The following PAPPA2 variants were observed in gnomAD, a reference collection of about 807,000 sequenced individuals.
PAPPA2 encodes pappalysin 2, also known as pappalysin-2.
A neutral mutation model predicts 176.4 loss-of-function variants in PAPPA2; 86 were observed. The observed-to-expected ratio is 0.49, with a 90% CI of 0.41 to 0.58. The LOEUF (loss-of-function observed/expected upper bound fraction) is 0.58, where lower values mean the gene tolerates loss of function less well. PAPPA2 is among the 20% of genes least tolerant of loss of function. The pLI is 0.00. For synonymous variants in PAPPA2, 809 were observed against 852.2 expected (o/e 0.95, Z 0.88); for missense variants, 2,073 against 2,256.9 (o/e 0.92, Z 1.65).
chr1:176,773,559 C>T (rs1231294840), intron 17 of PAPPA2, among the ~76,000 whole-genome samples: 7 of 152,136 alleles, frequency 4.6e-5, no homozygotes, highest in African/African-American at 7.2e-5. Flanking sequence ...ACTTGCTGGG[C>T]ATGACCCTGA....
intron 2 of PAPPA2, among the ~76,000 whole-genome samples, chr1:176,557,700 T>G (rs1484664641): frequency 1.3e-5 from 2 of 152,186 alleles, no homozygotes; most frequent in Non-Finnish European, 2.9e-5. Context: ...ACAAGGCTGC[T>G]AGGTACACAG....
chr1:176,556,317 G>A lies in PAPPA2; in HGVS notation c.-6G>A. 6.2e-7 allele frequency: 1 copy of A among 1,611,956 alleles called. No individual in the cohort carries two copies. Among genetic ancestry groups the A allele is most frequent in the Non-Finnish European group, 8.5e-7 (1 of 1,178,794 alleles). On this transcript the variant is annotated 5_prime_UTR_variant, in exon 2 of 23. Transcript: ENST00000367662. ...TTCTGGTTCTGTAGAAAGAGCTAGG[G>A]GAGGTATGATGTGCTTAAAGATCCT...
intron 12 of PAPPA2, among the ~76,000 whole-genome samples, chr1:176,727,316 A>G (rs1019664085): frequency 6.6e-6 from 1 of 152,160 alleles, no homozygotes; most frequent in Non-Finnish European, 1.5e-5. Flanking sequence ...ACTGTTTATG[A>G]AAAACACACT....
intron 1 of PAPPA2, among the ~76,000 whole-genome samples, chr1:176,496,318 A>G (rs140262843): frequency 3.0e-4 from 46 of 152,240 alleles, no homozygotes; most frequent in Middle Eastern, 6.8e-3. Context: ...AATATATATG[A>G]TTTGATATAT....
At chr1:176,654,238 G>C (rs1230379896) in intron 3 of PAPPA2, among the ~76,000 whole-genome samples, 1 of 151,534 alleles carries the variant, frequency 6.6e-6, no homozygotes, top group Non-Finnish European at 1.5e-5. Context: ...TGTATATGAT[G>C]ATAGATAGGG....
rs371033856 is a variant in PAPPA2 at position 176,711,801 on chromosome 1, A to G, written c.3652-34A>G. On this transcript the variant is annotated intron_variant, in intron 11 of 22. Transcript: ENST00000367662. ...GTCCTTACTTATATCTTCACACTCC[A>G]CACTTCAAATTGTTGGTTGAAATTG... The G allele has an allele frequency of 1.0e-5, 16 of 1,581,598 alleles. No individual in the cohort carries two copies. In the African/African-American group the frequency reaches 2.0e-4, roughly 20 times the overall value.
In PAPPA2 at chr1:176,814,656, G is replaced by A. The variant is rs570972302; in HGVS notation, c.5202+14524G>A. On this transcript the variant is annotated intron_variant, in intron 21 of 22. Coordinates refer to ENST00000367662, the MANE Select transcript of PAPPA2 (RefSeq NM_020318.3). Reference sequence around the variant, plus strand: ...TTTTGTAACCTGAGACTTTGCTGCAGTTGCTTACCAGCTTAAGAACCTTTT... The same window carrying A: ...TTTTGTAACCTGAGACTTTGCTGCAATTGCTTACCAGCTTAAGAACCTTTT... Among the ~76,000 whole-genome samples the A allele has an allele frequency of 5.9e-5, 9 of 152,312 alleles. 1 individual carries two copies. Among genetic ancestry groups the A allele is most frequent in the African/African-American group, 2.2e-4 (9 of 41,570 alleles).
At chr1:176,598,137 T>C (rs1276169289) in intron 3 of PAPPA2, among the ~76,000 whole-genome samples, 1 of 152,232 alleles carries the variant, frequency 6.6e-6, no homozygotes, top group Non-Finnish European at 1.5e-5. Flanking sequence ...AAAAAAGTGC[T>C]CATGGTTTAA....
In PAPPA2 at chr1:176,532,085, C is replaced by T. The variant is rs367992322; in HGVS notation, c.-916-23322C>T. On this transcript the variant is annotated intron_variant, in intron 1 of 22. Coordinates refer to ENST00000367662, the MANE Select transcript of PAPPA2 (RefSeq NM_020318.3). ...GCAGCAATTTGGTTGTGGAAGACCCCGGCAGAAATAACAAGAGAAAATTGA... is the reference window on the plus strand; with the variant it reads ...GCAGCAATTTGGTTGTGGAAGACCCTGGCAGAAATAACAAGAGAAAATTGA... 5.9e-5 allele frequency among the ~76,000 whole-genome samples: 9 copies of T among 152,204 alleles called. No homozygotes were observed. The East Asian group carries it at 1.4e-3, about 23-fold the overall frequency.
chr1:176,517,434 A>G (rs1388788624), intron 1 of PAPPA2, among the ~76,000 whole-genome samples: 1 of 152,230 alleles, frequency 6.6e-6, no homozygotes, highest in Non-Finnish European at 1.5e-5. Context: ...TAATAAATGA[A>G]TATATACATT....
chr1:176,594,548 C>T lies in PAPPA2; in HGVS notation c.944C>T (p.Thr315Ile). Residue 315 changes from threonine (T) to isoleucine (I), a missense_variant, in exon 3 of 23, where the codon ACT (threonine) becomes ATT (isoleucine). Transcript: ENST00000367662. Reference sequence around the variant, plus strand: ...GGTGTGTTTGATAACTGCTCCCACACTGTCAGTGACAAAGGCTGGGCCCTG... The same window carrying T: ...GGTGTGTTTGATAACTGCTCCCACATTGTCAGTGACAAAGGCTGGGCCCTG... ...IAGVFDNCSH[T>I]VSDKGWALGI... The T allele has an allele frequency of 6.2e-7, 1 of 1,614,040 alleles. No individual in the cohort carries two copies. Among genetic ancestry groups the T allele is most frequent in the Non-Finnish European group, 8.5e-7 (1 of 1,179,954 alleles).
Position 176,692,399 on chromosome 1 carries a change from A to G in PAPPA2, c.2624+81A>G, listed in dbSNP as rs951252427. The G allele has an allele frequency of 2.2e-6, 3 of 1,363,290 alleles. No individual in the cohort carries two copies. In the African/African-American group the frequency reaches 4.4e-5, roughly 20 times the overall value. The allele number at this position is 1,363,290 out of a possible 1,614,324, so 84.4% of individuals were successfully genotyped here. A position where few individuals can be genotyped will look rare whatever the true frequency, so the allele number is the denominator to read the frequency against. On this transcript the variant is annotated intron_variant, in intron 6 of 22. Transcript: ENST00000367662. ...TGAATGAGGGGAAGAATATGAATCC[A>G]GGGGAACTCCAATTTGGAAGTATAA...
At chr1:176,765,069 T>A (rs573600256) in intron 14 of PAPPA2, among the ~76,000 whole-genome samples, 1 of 152,340 alleles carries the variant, frequency 6.6e-6, no homozygotes, top group East Asian at 1.9e-4. Flanking sequence ...CGGTTCAATT[T>A]CTGCTCAGTC....
At position 176,735,366 on chromosome 1, in the gene PAPPA2, C is replaced by T. The variant is rs1662350522; in HGVS notation, c.3799-4260C>T. On this transcript the variant is annotated intron_variant, in intron 12 of 22. Transcript: ENST00000367662. ...ACAGAAGAAAACAACAATCCAGTAA[C>T]CAAAAGCATTTTAAAACCTCAGAGA... is the stretch of plus-strand genomic sequence containing the variant. Among the ~76,000 whole-genome samples, 7 of 152,094 alleles carry T rather than the reference C, an allele frequency of 4.6e-5. No homozygotes were observed. In the South Asian group the frequency reaches 1.4e-3, roughly 31 times the overall value.
rs114236977 is a variant in PAPPA2, at chr1:176,702,679, G to A, written c.3309G>A (p.Ser1103=). 842 of 1,612,976 alleles carry A rather than the reference G, an allele frequency of 5.2e-4. 2 individuals carry two copies. Among genetic ancestry groups the A allele is most frequent in the African/African-American group, 5.0e-3 (370 of 74,730 alleles). ...AEAGGELGEA[S]PPLNHIHGAP... ...CTGGAGGAGAACTGGGAGAAGCTTCGCCTCCTCTGAACCACATTCATGGAG... is the reference window on the plus strand; with the variant it reads ...CTGGAGGAGAACTGGGAGAAGCTTCACCTCCTCTGAACCACATTCATGGAG... Residue 1103 remains serine, a synonymous_variant, in exon 9 of 23, where the codon TCG becomes TCA. Coordinates refer to ENST00000367662, the MANE Select transcript of PAPPA2 (RefSeq NM_020318.3).
intron 3 of PAPPA2, among the ~76,000 whole-genome samples, chr1:176,597,913 C>T (rs188173175): frequency 6.6e-6 from 1 of 152,130 alleles, no homozygotes. Flanking sequence ...CCCTTTATTT[C>T]TCTGAGTTCC....
intron 2 of PAPPA2, among the ~76,000 whole-genome samples, chr1:176,577,714 G>T (rs960096551): frequency 3.3e-5 from 5 of 151,920 alleles, no homozygotes; most frequent in Non-Finnish European, 5.9e-5. Context: ...CTCTCTGGGG[G>T]GTCGGGGTGT....
rs1659879261 is a variant in PAPPA2 at position 176,687,207 on chromosome 1, T to C, written c.2138-2930T>C. Reference sequence around the variant, plus strand: ...ATTGAAAATATAGCTTGCAAATGTGTGTTAAAATTATGTTTTTAGTGAAAA... The same window carrying C: ...ATTGAAAATATAGCTTGCAAATGTGCGTTAAAATTATGTTTTTAGTGAAAA... On this transcript the variant is annotated intron_variant, in intron 4 of 22. Transcript: ENST00000367662. Among the ~76,000 whole-genome samples the C allele has an allele frequency of 3.3e-5, 5 of 152,194 alleles. No individual in the cohort carries two copies. In the South Asian group the frequency reaches 1.0e-3, roughly 31 times the overall value.
chr1:176,507,158 A>G (rs1323456480), intron 1 of PAPPA2, among the ~76,000 whole-genome samples: 1 of 152,182 alleles, frequency 6.6e-6, no homozygotes, highest in Non-Finnish European at 1.5e-5. Flanking sequence ...CAAAGAAGAC[A>G]TACAAGTGGT....
Sources: gnomAD v4.1 joint callset for allele counts (sites outside exome capture counted in the v4.1 genomes callset) on GRCh38, gnomAD v4.1.1 for gene constraint, MANE v1.5 for transcripts, NCBI Gene and HGNC (gene_info 2026-07-23, HGNC 2026-07-21) for gene names.